ERC2: variants seen among roughly 807,000 people sequenced by gnomAD.
ERC2 encodes ELKS/RAB6-interacting/CAST family member 2.
Under a neutral mutation model 114.8 loss-of-function variants are expected in ERC2, and 42 were observed. That is an observed-to-expected ratio of 0.37 (90% confidence interval 0.29 to 0.47). The LOEUF is 0.47. Ranked by LOEUF, ERC2 falls within the 20% of genes least tolerant of loss-of-function variation. The pLI is 0.99. For synonymous variants in ERC2, 454 were observed against 425.5 expected (o/e 1.07, Z -0.82); for missense variants, 939 against 1,150.7 (o/e 0.82, Z 2.66).
At chr3:56,178,012 T>C (rs1488014239) in intron 3 of ERC2, among the ~76,000 whole-genome samples, 1 of 152,150 alleles carries the variant, frequency 6.6e-6, no homozygotes, top group African/African-American at 2.4e-5. Context: ...CATGACAAGG[T>C]TGGCTTTAGC....
At position 55,980,366 on chromosome 3, in the gene ERC2, A is replaced by T. The variant is rs140163690; in HGVS notation, c.2267+5611T>A. ...ACACAGTGCCCACTCATTTTTAAAT[A>T]GGTCCCCCCAAAATGTAGACTTCAC... On this transcript the variant is annotated intron_variant, in intron 12 of 17. Coordinates refer to ENST00000288221, the MANE Select transcript of ERC2 (RefSeq NM_015576.3). Among the ~76,000 whole-genome samples, 378 of 152,298 alleles carry T rather than the reference A, an allele frequency of 2.5e-3. 1 individual carries two copies. The highest frequency in any genetic ancestry group is 8.8e-3 in the African/African-American group (364 of 41,568).
intron 14 of ERC2, among the ~76,000 whole-genome samples, chr3:55,810,378 A>G (rs934953714): frequency 2.6e-5 from 4 of 152,090 alleles, no homozygotes; most frequent in Non-Finnish European, 2.9e-5. Context: ...ACACACAGAC[A>G]TACACATCCT....
intron 17 of ERC2, among the ~76,000 whole-genome samples, chr3:55,540,193 T>C (rs750555681): frequency 1.1e-4 from 17 of 152,230 alleles, no homozygotes; most frequent in Non-Finnish European, 2.4e-4. Context: ...CAATACAGAC[T>C]AGATGCTCTT....
chr3:56,393,644 A>G (rs1286131493), intron 2 of ERC2, among the ~76,000 whole-genome samples: 1 of 152,172 alleles, frequency 6.6e-6, no homozygotes, highest in African/African-American at 2.4e-5. Context: ...TTATATTAGG[A>G]CAGTTTCTGG....
At chr3:56,178,913 A>C (rs1432844135) in intron 3 of ERC2, among the ~76,000 whole-genome samples, 1 of 152,198 alleles carries the variant, frequency 6.6e-6, no homozygotes, top group Non-Finnish European at 1.5e-5. Flanking sequence ...GGATAGTCAG[A>C]GAAAGCTTCA....
chr3:56,051,656 T>A (rs997691418), intron 7 of ERC2, among the ~76,000 whole-genome samples: 1 of 151,970 alleles, frequency 6.6e-6, no homozygotes, highest in African/African-American at 2.4e-5. Flanking sequence ...AGCTACCCCA[T>A]CTCTACTTAA....
intron 1 of ERC2, among the ~76,000 whole-genome samples, chr3:56,460,406 ATACT>A (rs1322334281): frequency 6.6e-6 from 1 of 152,226 alleles, no homozygotes. Context: ...CATTTGACAA[ATACT>A]TACAGAACAT....
chr3:55,972,133 GAGCCA>G (rs1187324040), intron 12 of ERC2, among the ~76,000 whole-genome samples: 1 of 152,002 alleles, frequency 6.6e-6, no homozygotes, highest in Non-Finnish European at 1.5e-5. Context: ...TCTGAAACAT[GAGCCA>G]TGGGTCAGGC....
At chr3:56,163,578 T>C (rs959038356) in intron 4 of ERC2, among the ~76,000 whole-genome samples, 2 of 152,088 alleles carry the variant, frequency 1.3e-5, no homozygotes, top group Non-Finnish European at 2.9e-5. Context: ...ATTTTTAGGT[T>C]AGAAAAGTCT....
chr3:56,036,386 A>G (rs2074802931), intron 7 of ERC2, among the ~76,000 whole-genome samples: 1 of 151,344 alleles, frequency 6.6e-6, no homozygotes, highest in Non-Finnish European at 1.5e-5. Context: ...ATTAGGCAAG[A>G]AAAAAAACAA....
Position 55,854,644 on chromosome 3 carries a change from C to T in ERC2, c.2564+33745G>A, listed in dbSNP as rs111461729. Among the ~76,000 whole-genome samples, 438 of 152,312 alleles carry T rather than the reference C, an allele frequency of 2.9e-3. 1 individual carries two copies. The highest frequency in any genetic ancestry group is 0.01 in the African/African-American group (417 of 41,562). ...TAAGGACCTGGCCTGTGGGTCATGT[C>T]AGCCCAGAGCCCTTCCTATTGCCAG... On this transcript the variant is annotated intron_variant, in intron 14 of 17. Transcript: ENST00000288221.
At chr3:55,939,438 T>G (rs2066643847) in intron 13 of ERC2, among the ~76,000 whole-genome samples, 1 of 152,242 alleles carries the variant, frequency 6.6e-6, no homozygotes, top group Non-Finnish European at 1.5e-5. Context: ...AATTCTGGAT[T>G]GAAGAATATC....
chr3:55,817,227 A>G (rs750866102), intron 14 of ERC2, among the ~76,000 whole-genome samples: 3 of 152,206 alleles, frequency 2.0e-5, no homozygotes, highest in Non-Finnish European at 4.4e-5. Context: ...TCACTTTCCC[A>G]AGGTCAAAAC....
chr3:56,339,367 A>C (rs2057995531), intron 2 of ERC2, among the ~76,000 whole-genome samples: 1 of 152,088 alleles, frequency 6.6e-6, no homozygotes, highest in South Asian at 2.1e-4. Context: ...AGGGTAGTCA[A>C]GGCAACAGGG....
At chr3:55,614,142 T>G (rs2059028153) in intron 17 of ERC2, among the ~76,000 whole-genome samples, 1 of 152,084 alleles carries the variant, frequency 6.6e-6, no homozygotes, top group Non-Finnish European at 1.5e-5. Flanking sequence ...ACAAGTTATA[T>G]CCTACGGATC....
At chr3:55,836,470 C>T (rs1023611551) in intron 14 of ERC2, among the ~76,000 whole-genome samples, 2 of 152,200 alleles carry the variant, frequency 1.3e-5, no homozygotes, top group Admixed American at 1.3e-4. Context: ...ATTATATGAT[C>T]TTTGACAAAC....
At chr3:55,634,891 C>T (rs1575856548) in intron 17 of ERC2, among the ~76,000 whole-genome samples, 1 of 147,750 alleles carries the variant, frequency 6.8e-6, no homozygotes, top group Non-Finnish European at 1.5e-5. Context: ...TTTATTATTT[C>T]TTTTTTTTTT....
chr3:55,808,043 C>T (rs578093360), intron 14 of ERC2, among the ~76,000 whole-genome samples: 5 of 152,206 alleles, frequency 3.3e-5, no homozygotes, highest in Admixed American at 2.0e-4. Flanking sequence ...TTGGAGACAT[C>T]GTCATCATTT....
intron 17 of ERC2, among the ~76,000 whole-genome samples, chr3:55,604,598 G>A (rs1209066741): frequency 6.6e-6 from 1 of 152,172 alleles, no homozygotes; most frequent in African/African-American, 2.4e-5. Flanking sequence ...ATGAGGTTGG[G>A]AAGGTAGTCA....
Sources: gnomAD v4.1 joint callset for allele counts (sites outside exome capture counted in the v4.1 genomes callset) on GRCh38, gnomAD v4.1.1 for gene constraint, MANE v1.5 for transcripts, NCBI Gene and HGNC (gene_info 2026-07-23, HGNC 2026-07-21) for gene names.